Variants in FHIT observed in about 807,000 individuals in gnomAD.
The protein encoded by FHIT is bis(5'-adenosyl)-triphosphatase.
In FHIT, 19 loss-of-function variants were observed where a neutral mutation model predicts 17.9. That is an observed-to-expected ratio of 1.06 (90% CI 0.74 to 1.56). The LOEUF is 1.56. Among genes scored for constraint, FHIT ranks in the 40% most tolerant of loss-of-function variants. The pLI is 0.00. For synonymous variants in FHIT, 81 were observed against 69.7 expected, an observed-to-expected ratio of 1.16 and a Z score of -0.81; for missense variants, 248 against 189.2, an observed-to-expected ratio of 1.31 and a Z score of -1.82.
chr3:59,951,540 C>G (rs966342600), intron 7 of FHIT, among the ~76,000 whole-genome samples: 1 of 152,216 alleles, frequency 6.6e-6, no homozygotes, highest in East Asian at 1.9e-4. Flanking sequence ...TCAGCTACCT[C>G]TGTCCTTTGG....
intron 3 of FHIT, among the ~76,000 whole-genome samples, chr3:60,961,358 A>C (rs1709433036): frequency 6.6e-6 from 1 of 152,102 alleles, no homozygotes; most frequent in African/African-American, 2.4e-5. Context: ...CATTGTAAAA[A>C]CTTTATCCCA....
intron 7 of FHIT, among the ~76,000 whole-genome samples, chr3:59,942,782 T>G (rs1872531): frequency 0.82 from 124,315 of 152,082 alleles, 50,900 homozygotes; most frequent in East Asian, 0.99. Context: ...CCAAAAAGCT[T>G]GGACTACAGG....
At chr3:60,464,745 C>A (rs2032689391) in intron 5 of FHIT, among the ~76,000 whole-genome samples, 1 of 152,064 alleles carries the variant, frequency 6.6e-6, no homozygotes, top group South Asian at 2.1e-4. Flanking sequence ...ATCATATTTT[C>A]TTTATCCATT....
intron 4 of FHIT, among the ~76,000 whole-genome samples, chr3:60,544,261 TATGA>T (rs1366031882): frequency 1.3e-5 from 2 of 151,958 alleles, no homozygotes; most frequent in African/African-American, 4.8e-5. Context: ...TTTTTTGTAT[TATGA>T]ATGATGTCTA....
chr3:60,808,067 C>T lies in FHIT; in HGVS notation c.-18+13852G>A, dbSNP rs1304515606. On this transcript the variant is annotated intron_variant, in intron 4 of 9. Coordinates refer to ENST00000492590, the MANE Select transcript of FHIT (RefSeq NM_002012.4). Reference sequence around the variant, plus strand: ...TCTGGTCATCTATTGACCTCAGAGACACTAGATTTCCAGTGGCATCCACTA... The same window carrying T: ...TCTGGTCATCTATTGACCTCAGAGATACTAGATTTCCAGTGGCATCCACTA... Among the ~76,000 whole-genome samples, 3 of 152,152 alleles carry T rather than the reference C, an allele frequency of 2.0e-5. No individual in the cohort carries two copies. The East Asian group carries it at 5.8e-4, about 29-fold the overall frequency.
intron 5 of FHIT, among the ~76,000 whole-genome samples, chr3:60,209,541 T>G (rs976625608): frequency 2.0e-5 from 3 of 152,260 alleles, no homozygotes; most frequent in Admixed American, 6.5e-5. Context: ...AGCCAAGAAC[T>G]CTGTTGAGCC....
At chr3:60,712,788 C>A (rs12497605) in intron 4 of FHIT, among the ~76,000 whole-genome samples, 1 of 132,406 alleles carries the variant, frequency 7.6e-6, no homozygotes, top group Non-Finnish European at 1.6e-5. Context: ...AAGTCCTGAG[C>A]GACCTACAAA....
intron 5 of FHIT, among the ~76,000 whole-genome samples, chr3:60,294,452 C>T (rs1011697821): frequency 3.3e-5 from 5 of 152,108 alleles, no homozygotes; most frequent in Non-Finnish European, 7.4e-5. Flanking sequence ...GCAGAACTTG[C>T]ACCAGAATAC....
chr3:60,528,794 C>T (rs2035667077), intron 5 of FHIT, among the ~76,000 whole-genome samples: 1 of 152,182 alleles, frequency 6.6e-6, no homozygotes, highest in Non-Finnish European at 1.5e-5. Context: ...GCGTGCTGCT[C>T]ACCACCTCTT....
chr3:59,754,386 C>T (rs959499307), intron 8 of FHIT, among the ~76,000 whole-genome samples: 1 of 152,218 alleles, frequency 6.6e-6, no homozygotes, highest in African/African-American at 2.4e-5. Context: ...CATTTCCTTT[C>T]TTGCAGAGGC....
At chr3:59,883,688 C>G (rs375580601) in intron 8 of FHIT, among the ~76,000 whole-genome samples, 2 of 152,204 alleles carry the variant, frequency 1.3e-5, no homozygotes. Context: ...AGTGTGCTAC[C>G]GCACGTCTCT....
At chr3:59,790,528 CTG>C (rs35731034) in intron 8 of FHIT, among the ~76,000 whole-genome samples, 1,199 of 91,052 alleles carry the variant, frequency 0.013, 9 homozygotes, top group African/African-American at 0.034. Flanking sequence ...CTCTCTCTCT[CTG>C]TGTGTGTGTG....
At chr3:60,710,689 T>C (rs2041503161) in intron 4 of FHIT, among the ~76,000 whole-genome samples, 1 of 151,984 alleles carries the variant, frequency 6.6e-6, no homozygotes, top group African/African-American at 2.4e-5. Context: ...CAATCTGAGA[T>C]CAAACTGCAA....
At chr3:61,204,239 T>C (rs1310696410) in intron 1 of FHIT, among the ~76,000 whole-genome samples, 1 of 152,166 alleles carries the variant, frequency 6.6e-6, no homozygotes, top group Non-Finnish European at 1.5e-5. Context: ...ATCTTTATCT[T>C]GAGAGTGGGA....
intron 2 of FHIT, 148 bp from the exon 3 acceptor site, chr3:61,042,247 A>C (rs958764979): frequency 6.6e-6 from 1 of 152,240 alleles, no homozygotes; most frequent in African/African-American, 2.4e-5. Context: ...GGAGTCTATA[A>C]TGCTAAAGCA....
At chr3:60,780,517 T>A (rs1553725516) in intron 4 of FHIT, among the ~76,000 whole-genome samples, 3 of 152,182 alleles carry the variant, frequency 2.0e-5, no homozygotes, top group African/African-American at 7.2e-5. Flanking sequence ...TCATTTCGTT[T>A]TGATACATAG....
chr3:60,895,659 T>C (rs1055246804), intron 3 of FHIT, among the ~76,000 whole-genome samples: 2 of 138,184 alleles, frequency 1.4e-5, no homozygotes, highest in African/African-American at 3.2e-5. Flanking sequence ...CCCTCCTTCC[T>C]TCCTTCCTTT....
chr3:59,877,606 G>C (rs1473866864), intron 8 of FHIT, among the ~76,000 whole-genome samples: 1 of 152,202 alleles, frequency 6.6e-6, no homozygotes, highest in African/African-American at 2.4e-5. Context: ...ACCATGTTCA[G>C]ACATGCAGAG....
At chr3:61,160,506 T>A (rs967620035) in intron 2 of FHIT, among the ~76,000 whole-genome samples, 2 of 152,228 alleles carry the variant, frequency 1.3e-5, no homozygotes, top group Admixed American at 6.5e-5. Flanking sequence ...TTAAGATGGC[T>A]GTTATTGATG....
Sources: gnomAD v4.1 joint callset for allele counts (sites outside exome capture counted in the v4.1 genomes callset) on GRCh38, gnomAD v4.1.1 for gene constraint, MANE v1.5 for transcripts, NCBI Gene and HGNC (gene_info 2026-07-23, HGNC 2026-07-21) for gene names.